SYT1: variants seen among roughly 807,000 people sequenced by gnomAD.
SYT1 encodes the protein synaptotagmin-1.
A neutral mutation model predicts 44.8 loss-of-function variants in SYT1; 8 were observed. That is an observed-to-expected ratio of 0.18 (90% confidence interval 0.10 to 0.32). The LOEUF is 0.32. Ranked by LOEUF, SYT1 falls within the 10% of genes least tolerant of loss-of-function variation. SYT1 has a pLI of 1.00. For missense variants in SYT1, 286 were observed against 509.3 expected (o/e 0.56, Z 4.22); for synonymous variants, 154 against 188.8 (o/e 0.82, Z 1.51).
At chr12:79,056,035 T>G (rs1485441794) in intron 3 of SYT1, among the ~76,000 whole-genome samples, 14 of 152,004 alleles carry the variant, frequency 9.2e-5, no homozygotes, top group African/African-American at 3.4e-4. Context: ...TACAGTGACA[T>G]GTACAGGTTT....
chr12:78,908,964 A>G (rs967462229), intron 1 of SYT1, among the ~76,000 whole-genome samples: 1 of 151,980 alleles, frequency 6.6e-6, no homozygotes, highest in Non-Finnish European at 1.5e-5. Context: ...AAGGCATTTC[A>G]ATCAACCAAA....
rs559972002 is a variant in SYT1, at chr12:79,033,090, CAGTAAAAAT to C, written c.-83-14206_-83-14198del. Among the ~76,000 whole-genome samples, 140 of 151,338 alleles carry C rather than the reference CAGTAAAAAT, an allele frequency of 9.3e-4. 1 individual carries two copies. Among genetic ancestry groups the C allele is most frequent in the African/African-American group, 3.2e-3 (133 of 41,426 alleles). ...ATTTCTCTTGAATATGTTCTTTTGT[CAGTAAAAAT>C]TAGTTGCCATTCACATTAGACACCT... is the stretch of plus-strand genomic sequence containing the variant. On this transcript the variant is annotated intron_variant, in intron 2 of 10. Transcript: ENST00000261205.
chr12:79,260,676 C>G (rs965180295), intron 4 of SYT1, among the ~76,000 whole-genome samples: 2 of 152,178 alleles, frequency 1.3e-5, no homozygotes, highest in African/African-American at 2.4e-5. Flanking sequence ...TTTTTCTCTA[C>G]TCCACAATCC....
chr12:79,200,287 T>C (rs111994734), intron 3 of SYT1, among the ~76,000 whole-genome samples: 11 of 152,242 alleles, frequency 7.2e-5, no homozygotes, highest in African/African-American at 2.6e-4. Context: ...AGAGGAGCCA[T>C]TTTCCCCAGC....
chr12:78,940,086 C>G (rs942682917), intron 1 of SYT1, among the ~76,000 whole-genome samples: 98 of 152,262 alleles, frequency 6.4e-4, no homozygotes, highest in African/African-American at 2.3e-3. Flanking sequence ...TGCCATCTCT[C>G]TACTTAAATG....
At chr12:78,921,620 G>C (rs865949489) in intron 1 of SYT1, among the ~76,000 whole-genome samples, 1 of 151,912 alleles carries the variant, frequency 6.6e-6, no homozygotes, top group African/African-American at 2.4e-5. Context: ...GGCAAAAAGT[G>C]CTAGGTAATG....
intron 9 of SYT1, among the ~76,000 whole-genome samples, chr12:79,437,557 G>A (rs1870162259): frequency 6.6e-6 from 1 of 152,144 alleles, no homozygotes; most frequent in Non-Finnish European, 1.5e-5. Context: ...ATAGCATATG[G>A]GCTACATTTA....
intron 3 of SYT1, among the ~76,000 whole-genome samples, chr12:79,080,604 T>G (rs561359521): frequency 6.6e-6 from 1 of 152,164 alleles, no homozygotes; most frequent in Admixed American, 6.6e-5. Flanking sequence ...GATGGTGGGG[T>G]TGAATATATA....
At chr12:79,321,778 T>A (rs1177531963) in intron 8 of SYT1, among the ~76,000 whole-genome samples, 1 of 152,216 alleles carries the variant, frequency 6.6e-6, no homozygotes, top group East Asian at 1.9e-4. Context: ...AAACCTTCTT[T>A]CAGATCCTCA....
chr12:78,947,772 C>T (rs1024595619), intron 1 of SYT1, among the ~76,000 whole-genome samples: 1 of 149,454 alleles, frequency 6.7e-6, no homozygotes, highest in South Asian at 2.1e-4. Context: ...TAAAAAAGCT[C>T]GAGTCTATTC....
chr12:78,947,521 G>GT (rs1209908251), intron 1 of SYT1, among the ~76,000 whole-genome samples: 1 of 49,974 alleles, frequency 2.0e-5, no homozygotes, highest in Admixed American at 2.0e-4. Flanking sequence ...GTTGAATCTA[G>GT]TAAAAAAAAA....
At chr12:79,170,808 T>G (rs1216994440) in intron 3 of SYT1, among the ~76,000 whole-genome samples, 2 of 152,144 alleles carry the variant, frequency 1.3e-5, no homozygotes, top group African/African-American at 2.4e-5. Flanking sequence ...GCCTAGGTTG[T>G]CTTCCAGAGT....
chr12:79,213,720 T>G (rs1874607020), intron 3 of SYT1, among the ~76,000 whole-genome samples: 1 of 151,602 alleles, frequency 6.6e-6, no homozygotes, highest in Non-Finnish European at 1.5e-5. Context: ...AGGTCAGGAG[T>G]TTGAGACCAG....
intron 2 of SYT1, among the ~76,000 whole-genome samples, chr12:79,014,999 G>A (rs1871706436): frequency 6.6e-6 from 1 of 151,882 alleles, no homozygotes; most frequent in African/African-American, 2.4e-5. Context: ...CTCATAGGTG[G>A]GAATTGAACA....
In SYT1 at chr12:79,215,683, A is replaced by C. The variant is rs74107351; in HGVS notation, c.-17-1820A>C. Among the ~76,000 whole-genome samples the C allele has an allele frequency of 3.8e-3, 578 of 152,218 alleles. 8 individuals are homozygous for C. Among genetic ancestry groups the C allele is most frequent in the African/African-American group, 0.014 (562 of 41,546 alleles). ...TGCTCTCCAGCCTAACAACAGAGCA[A>C]GACCCTATCTCATAAAAGAGAGAGA... On this transcript the variant is annotated intron_variant, in intron 3 of 10. Coordinates refer to ENST00000261205, the MANE Select transcript of SYT1 (RefSeq NM_005639.3).
Position 79,141,721 on chromosome 12 carries a change from G to A in SYT1, c.-17-75782G>A, listed in dbSNP as rs1869568346. Among the ~76,000 whole-genome samples the A allele has an allele frequency of 2.0e-5, 3 of 152,152 alleles. No homozygotes were observed. In the South Asian group the frequency reaches 6.2e-4, roughly 31 times the overall value. ...TAAAATGTATATAAACTGATATTCA[G>A]ACATATTCCACTTGTCATAATTAAT... On this transcript the variant is annotated intron_variant, in intron 3 of 10. Coordinates refer to ENST00000261205, the MANE Select transcript of SYT1 (RefSeq NM_005639.3).
chr12:79,252,508 T>C (rs1877278689), intron 4 of SYT1, among the ~76,000 whole-genome samples: 1 of 152,138 alleles, frequency 6.6e-6, no homozygotes, highest in Non-Finnish European at 1.5e-5. Context: ...TGATTCATTC[T>C]GACAGGGAAG....
intron 3 of SYT1, chr12:79,102,950 C>T (rs1878522374): frequency 6.6e-6 from 1 of 150,798 alleles, no homozygotes; most frequent in Non-Finnish European, 1.5e-5. Context: ...AAATGCTTTA[C>T]ATTCATTGTA....
At chr12:79,336,973 C>T (rs975765952) in intron 8 of SYT1, among the ~76,000 whole-genome samples, 3 of 151,952 alleles carry the variant, frequency 2.0e-5, no homozygotes, top group African/African-American at 4.8e-5. Context: ...CTGTGCCCAG[C>T]CCCTAACACT....
Sources: allele counts gnomAD v4.1 joint callset (sites outside exome capture counted in the v4.1 genomes callset), GRCh38; gene constraint gnomAD v4.1.1; transcripts MANE v1.5; gene names NCBI Gene and HGNC (gene_info 2026-07-23, HGNC 2026-07-21).